The following GRHL2 variants were observed in gnomAD, a reference collection of about 807,000 sequenced individuals.
GRHL2 encodes the protein grainyhead like transcription factor 2.
In GRHL2, 21 loss-of-function variants were observed where a neutral mutation model predicts 83.8. The observed-to-expected ratio is 0.25, with a 90% CI of 0.18 to 0.36. The LOEUF (loss-of-function observed/expected upper bound fraction) is 0.36. Ranked by LOEUF, GRHL2 falls within the 10% of genes least tolerant of loss-of-function variation. GRHL2 has a pLI of 1.00. For synonymous variants in GRHL2, 280 were observed against 278.9 expected (o/e 1.00, Z -0.04); for missense variants, 623 against 781.8 (o/e 0.80, Z 2.42).
At chr8:101,669,925 T>C (rs1272507969), downstream of GRHL2, among the ~76,000 whole-genome samples, 2 of 152,184 alleles carry the variant, frequency 1.3e-5, no homozygotes, top group Non-Finnish European at 1.5e-5. Context: ...CTGAAGAACT[T>C]CCAGGGCTTG....
chr8:101,678,436 C>G, the GRHL2 span, among the ~76,000 whole-genome samples: 1 of 151,854 alleles, frequency 6.6e-6, no homozygotes, highest in Non-Finnish European at 1.5e-5. Flanking sequence ...GGTCCTACGC[C>G]CACGGAGTCT....
intron 12 of GRHL2, 35 bp from the exon 13 acceptor site, chr8:101,644,096 G>A (rs1389228405): frequency 1.3e-6 from 2 of 1,578,256 alleles, no homozygotes; most frequent in Non-Finnish European, 1.7e-6. Context: ...ACACCTTGCT[G>A]GTTTTACTTA....
intron 1 of GRHL2, among the ~76,000 whole-genome samples, chr8:101,502,895 A>G (rs116607041): frequency 0.011 from 1,685 of 151,938 alleles, 32 homozygotes; most frequent in African/African-American, 0.038. Context: ...ATAAAATGTA[A>G]TTCACAGACA....
chr8:101,568,933 T>G (rs1157461045), intron 4 of GRHL2, among the ~76,000 whole-genome samples: 1 of 152,166 alleles, frequency 6.6e-6, no homozygotes. Flanking sequence ...AACTGTGATA[T>G]AAGGTATGCT....
At chr8:101,544,147 T>C (rs943083762) in intron 2 of GRHL2, 11 of 152,254 alleles carry the variant, frequency 7.2e-5, no homozygotes, top group African/African-American at 2.7e-4. Context: ...ACCATATCAG[T>C]GGCTGTACCA....
At chr8:101,505,602 G>T (rs1810325246) in intron 1 of GRHL2, among the ~76,000 whole-genome samples, 1 of 139,902 alleles carries the variant, frequency 7.1e-6, no homozygotes, top group African/African-American at 2.6e-5. Context: ...AAAAAACAGT[G>T]TAAATAAAGG....
intron 1 of GRHL2, among the ~76,000 whole-genome samples, chr8:101,499,301 T>A (rs1346849993): frequency 3.9e-5 from 6 of 152,180 alleles, no homozygotes; most frequent in African/African-American, 1.4e-4. Context: ...AGACATACGT[T>A]TCTGGTTAAA....
chr8:101,521,140 T>C (rs78570674), intron 1 of GRHL2, among the ~76,000 whole-genome samples: 1 of 151,952 alleles, frequency 6.6e-6, no homozygotes, highest in Admixed American at 6.5e-5. Context: ...GAGTCTGACT[T>C]GGAGTGAAGA....
At chr8:101,546,819 C>T (rs1811275465) in intron 2 of GRHL2, among the ~76,000 whole-genome samples, 2 of 152,102 alleles carry the variant, frequency 1.3e-5, no homozygotes, top group South Asian at 4.1e-4. Context: ...ATATGGTACC[C>T]AGATTACTTG....
At chr8:101,519,950 A>G (rs899234957) in intron 1 of GRHL2, among the ~76,000 whole-genome samples, 9 of 152,172 alleles carry the variant, frequency 5.9e-5, no homozygotes, top group Admixed American at 4.6e-4. Context: ...TATTTTCCTA[A>G]TAGTTCCATT....
intron 8 of GRHL2, among the ~76,000 whole-genome samples, chr8:101,599,543 A>G (rs577872725): frequency 3.5e-4 from 53 of 152,342 alleles, no homozygotes; most frequent in African/African-American, 1.2e-3. Flanking sequence ...CCCTGACCCC[A>G]TAGCCCCTTC....
chr8:101,554,173 G>A (rs1050850308), intron 3 of GRHL2, among the ~76,000 whole-genome samples: 8 of 152,126 alleles, frequency 5.3e-5, no homozygotes, highest in Admixed American at 1.3e-4. Context: ...TCTCCAGGGC[G>A]CAACCCCAGC....
chr8:101,573,697 C>T lies in GRHL2; in HGVS notation c.764C>T (p.Thr255Ile). The change falls in exon 6 of 16, where the codon ACC becomes ATC. Residue 255 changes from threonine to isoleucine, a missense_variant. Thr to Ile is a moderately conservative substitution (Grantham distance 89). Around this residue, in one of 8 missense-constraint regions of GRHL2, gnomAD observed 239 missense variants for 240.5 expected, o/e 0.99. Coordinates refer to ENST00000646743, the MANE Select transcript of GRHL2 (RefSeq NM_024915.4). Reference sequence around the variant, plus strand: ...ACATTTCAGTACACCCTGGAAGCCACCAAATCTCTCCGTCAGAAGCAGGGG... The same window carrying T: ...ACATTTCAGTACACCCTGGAAGCCATCAAATCTCTCCGTCAGAAGCAGGGG... ...SGTFQYTLEA[T>I]KSLRQKQGEG... 2.5e-6 allele frequency: 4 copies of T among 1,614,074 alleles called. No homozygotes were observed. Among genetic ancestry groups the T allele is most frequent in the African/African-American group, 1.3e-5 (1 of 74,918 alleles).
intron 8 of GRHL2, among the ~76,000 whole-genome samples, chr8:101,601,186 A>C (rs1812504738): frequency 6.8e-6 from 1 of 147,734 alleles, no homozygotes; most frequent in African/African-American, 2.5e-5. Context: ...ACACACACAC[A>C]CACCCCACCA....
At chr8:101,555,172 A>G (rs1811464712) in intron 3 of GRHL2, among the ~76,000 whole-genome samples, 1 of 152,240 alleles carries the variant, frequency 6.6e-6, no homozygotes, top group Admixed American at 6.5e-5. Context: ...AACTTTAAAT[A>G]TTTTGGCAAA....
chr8:101,672,109 CAG>C (rs1225910431), downstream of GRHL2, among the ~76,000 whole-genome samples: 2 of 151,646 alleles, frequency 1.3e-5, no homozygotes, highest in East Asian at 3.8e-4. Flanking sequence ...GGGGAAAAAA[CAG>C]AGCAGAAAAA....
At chr8:101,603,156 T>C (rs1812553575) in intron 8 of GRHL2, among the ~76,000 whole-genome samples, 1 of 152,212 alleles carries the variant, frequency 6.6e-6, no homozygotes, top group Non-Finnish European at 1.5e-5. Flanking sequence ...GGATTAAGAA[T>C]GAGGTTTTTT....
chr8:101,569,159 C>T (rs1212437090), intron 4 of GRHL2, among the ~76,000 whole-genome samples: 1 of 152,118 alleles, frequency 6.6e-6, no homozygotes, highest in African/African-American at 2.4e-5. Context: ...GCTTTTTCAT[C>T]AGTATTCTAC....
At chr8:101,644,072 G>T in intron 12 of GRHL2, 59 bp from the exon 13 acceptor site, 1 of 1,384,426 alleles carries the variant, frequency 7.2e-7, no homozygotes, top group South Asian at 1.2e-5. Context: ...ACACACATGT[G>T]AACGTGTGTT....
Sources: allele counts gnomAD v4.1 joint callset (sites outside exome capture counted in the v4.1 genomes callset), GRCh38; gene constraint gnomAD v4.1.1; regional missense constraint gnomAD v4.1.1; transcripts MANE v1.5; gene names NCBI Gene and HGNC (gene_info 2026-07-23, HGNC 2026-07-21).